Variants in GABRB3 observed in about 807,000 individuals in gnomAD.
GABRB3 encodes the protein gamma-aminobutyric acid receptor subunit beta-3.
GABRB3 carries 14 observed loss-of-function variants against 52.1 expected under a neutral mutation model. The ratio of observed to expected loss-of-function variants is 0.27; its 90% CI spans 0.18 to 0.42. The LOEUF (loss-of-function observed/expected upper bound fraction) is 0.42, where lower values mean the gene tolerates loss of function less well. Among genes scored for constraint, GABRB3 ranks in the 10% least tolerant of loss-of-function variants. The pLI, the probability that GABRB3 is intolerant of heterozygous loss-of-function variation, is 1.00. For synonymous variants in GABRB3, 260 were observed against 232.3 expected, an observed-to-expected ratio of 1.12 and a Z score of -1.08; for missense variants, 307 against 609.1, an observed-to-expected ratio of 0.50 and a Z score of 5.22.
chr15:26,648,985 G>A (rs143501057), intron 3 of GABRB3, among the ~76,000 whole-genome samples: 366 of 152,156 alleles, frequency 2.4e-3, no homozygotes, highest in Admixed American at 5.7e-3. Context: ...AGATGCAGGT[G>A]TGGAAACAGC....
At chr15:26,646,744 C>T (rs1887019921) in intron 3 of GABRB3, among the ~76,000 whole-genome samples, 1 of 152,162 alleles carries the variant, frequency 6.6e-6, no homozygotes, top group South Asian at 2.1e-4. Context: ...GTCATCCTAG[C>T]TGGAATTAAG....
Position 26,546,955 on chromosome 15 carries a change from T to C in GABRB3, c.*838A>G, listed in dbSNP as rs1595427543. 1.3e-5 allele frequency: 2 copies of C among 151,518 alleles called. No homozygotes were observed. Among genetic ancestry groups the C allele is most frequent in the Non-Finnish European group, 2.9e-5 (2 of 67,912 alleles). 9.4% of individuals were successfully genotyped at this position (151,518 alleles called of 1,614,324 possible). ...GAGATGTAGAGCACATTTTCAGTGA[T>C]TGAAATGTCACTGGCCAAACGTGTC... On this transcript the variant is annotated 3_prime_UTR_variant, in exon 9 of 9. Coordinates refer to ENST00000311550, the MANE Select transcript of GABRB3 (RefSeq NM_000814.6).
intron 8 of GABRB3, among the ~76,000 whole-genome samples, chr15:26,559,413 C>G (rs1268074352): frequency 6.6e-6 from 1 of 152,022 alleles, no homozygotes; most frequent in Non-Finnish European, 1.5e-5. Context: ...AACTGTGAAC[C>G]AATTAAACCT....
rs1034382308 is a variant in GABRB3, at chr15:26,583,428, G to A, written c.462-14C>T. The A allele has an allele frequency of 1.9e-6, 3 of 1,603,440 alleles. No homozygotes were observed. The highest frequency in any genetic ancestry group is 1.7e-5 in the Admixed American group (1 of 59,998). ...GTCGTGGTGATTCTGAAATACACAG[G>A]GTGAGGGAAGATATTAAAGAAGGGC... is the stretch of plus-strand genomic sequence containing the variant. On this transcript the variant is annotated splice_polypyrimidine_tract_variant and intron_variant, in intron 4 of 8. Transcript: ENST00000311550.
chr15:26,707,480 G>A (rs752288217), intron 3 of GABRB3, among the ~76,000 whole-genome samples: 2 of 152,162 alleles, frequency 1.3e-5, no homozygotes, highest in Non-Finnish European at 2.9e-5. Flanking sequence ...TGTTTAATTA[G>A]AAGTGCAGGC....
At chr15:26,696,901 C>T (rs1487430815) in intron 3 of GABRB3, among the ~76,000 whole-genome samples, 1 of 152,188 alleles carries the variant, frequency 6.6e-6, no homozygotes, top group African/African-American at 2.4e-5. Flanking sequence ...CTACTTCTGA[C>T]ATTGCAATAT....
chr15:26,768,896 C>CA (rs1352927472), intron 3 of GABRB3, among the ~76,000 whole-genome samples: 1 of 152,076 alleles, frequency 6.6e-6, no homozygotes, highest in African/African-American at 2.4e-5. Context: ...CAAGCTATGG[C>CA]AAAACCAATG....
chr15:26,718,609 T>C (rs893982703), intron 3 of GABRB3, among the ~76,000 whole-genome samples: 4 of 152,174 alleles, frequency 2.6e-5, no homozygotes, highest in Non-Finnish European at 4.4e-5. Context: ...AATGTGTTTT[T>C]TTTTCTTATT....
At chr15:26,636,393 T>G (rs1052569653) in intron 3 of GABRB3, among the ~76,000 whole-genome samples, 1 of 152,164 alleles carries the variant, frequency 6.6e-6, no homozygotes, top group Non-Finnish European at 1.5e-5. Flanking sequence ...TCTGGATACA[T>G]GCTCTCCTGC....
chr15:26,595,249 G>A (rs1035994457), intron 4 of GABRB3, among the ~76,000 whole-genome samples: 1 of 152,162 alleles, frequency 6.6e-6, no homozygotes, highest in Non-Finnish European at 1.5e-5. Context: ...AAGCTGAGAT[G>A]AACATCTTGC....
intron 6 of GABRB3, among the ~76,000 whole-genome samples, chr15:26,569,004 G>T (rs949209782): frequency 6.6e-6 from 1 of 152,056 alleles, no homozygotes. Context: ...ACACTAGCAG[G>T]TGCCTTCTTT....
intron 8 of GABRB3, among the ~76,000 whole-genome samples, chr15:26,552,669 C>T (rs1889521841): frequency 6.6e-6 from 1 of 152,172 alleles, no homozygotes. Flanking sequence ...GGCAGCCCAG[C>T]TGGTCTTTGC....
chr15:26,577,156 G>A (rs1389853408), intron 6 of GABRB3, among the ~76,000 whole-genome samples: 1 of 152,134 alleles, frequency 6.6e-6, no homozygotes, highest in Admixed American at 6.5e-5. Context: ...TTAAGGAGAT[G>A]ATGGCCAGTG....
chr15:26,680,188 G>GC (rs1881660452), intron 3 of GABRB3, among the ~76,000 whole-genome samples: 1 of 152,100 alleles, frequency 6.6e-6, no homozygotes, highest in African/African-American at 2.4e-5. Context: ...TGTAGACTAA[G>GC]GCTGCAGCAT....
chr15:26,637,123 G>A (rs1459886174), intron 3 of GABRB3, among the ~76,000 whole-genome samples: 1 of 152,098 alleles, frequency 6.6e-6, no homozygotes, highest in Non-Finnish European at 1.5e-5. Flanking sequence ...GCATCTCTCT[G>A]ACCTTACCTC....
At chr15:26,641,775 T>C (rs1893208057) in intron 3 of GABRB3, among the ~76,000 whole-genome samples, 1 of 152,192 alleles carries the variant, frequency 6.6e-6, no homozygotes, top group Non-Finnish European at 1.5e-5. Flanking sequence ...TGTCCTGCAC[T>C]AATGAAGTGG....
rs80239203 is a variant in GABRB3 at position 26,545,622 on chromosome 15, T to C, written c.*2171A>G. ...ATTACTGGATACAGAAAAAGATACCTGAAGTATTGAAAGGGATAAGGTCTT... is the reference window on the plus strand; with the variant it reads ...ATTACTGGATACAGAAAAAGATACCCGAAGTATTGAAAGGGATAAGGTCTT... On this transcript the variant is annotated 3_prime_UTR_variant, in exon 9 of 9. Coordinates refer to ENST00000311550, the MANE Select transcript of GABRB3 (RefSeq NM_000814.6). The C allele has an allele frequency of 2.0e-5, 3 of 152,468 alleles. No individual in the cohort carries two copies. Among genetic ancestry groups the C allele is most frequent in the African/African-American group, 7.2e-5 (3 of 41,438 alleles). 9.4% of individuals were successfully genotyped at this position (152,468 alleles called of 1,614,324 possible).
intron 3 of GABRB3, among the ~76,000 whole-genome samples, chr15:26,645,419 T>A (rs1422221574): frequency 2.6e-5 from 4 of 152,020 alleles, no homozygotes; most frequent in African/African-American, 9.7e-5. Context: ...GAGGTAGGAG[T>A]CCACTCCTGT....
chr15:26,700,233 T>C (rs1888884042), intron 3 of GABRB3, among the ~76,000 whole-genome samples: 1 of 152,214 alleles, frequency 6.6e-6, no homozygotes, highest in South Asian at 2.1e-4. Flanking sequence ...TGCTGATACA[T>C]TCTACAATGT....
Sources: gnomAD v4.1 joint callset for allele counts (sites outside exome capture counted in the v4.1 genomes callset) on GRCh38, gnomAD v4.1.1 for gene constraint, MANE v1.5 for transcripts, NCBI Gene and HGNC (gene_info 2026-07-23, HGNC 2026-07-21) for gene names.